Variants in MAGI3 observed in about 807,000 individuals in gnomAD.
MAGI3 encodes membrane-associated guanylate kinase, WW and PDZ domain-containing protein 3.
Under a neutral mutation model 121.8 loss-of-function variants are expected in MAGI3, and 43 were observed. The observed-to-expected ratio is 0.35, with a 90% CI of 0.28 to 0.46. The LOEUF (loss-of-function observed/expected upper bound fraction) is 0.46. Among genes scored for constraint, MAGI3 ranks in the 20% least tolerant of loss-of-function variants. MAGI3 has a pLI of 1.00. For missense variants in MAGI3, 1,547 were observed against 1,797.3 expected (o/e 0.86, Z 2.52); for synonymous variants, 553 against 639.3 (o/e 0.86, Z 2.04).
At chr1:113,541,326 T>G (rs546645106) in intron 1 of MAGI3, among the ~76,000 whole-genome samples, 1 of 152,232 alleles carries the variant, frequency 6.6e-6, no homozygotes, top group African/African-American at 2.4e-5. Flanking sequence ...GAATGTGACC[T>G]TTGTTAGCAG....
chr1:113,566,387 T>C (rs1660434082), intron 2 of MAGI3, among the ~76,000 whole-genome samples: 1 of 152,104 alleles, frequency 6.6e-6, no homozygotes, highest in Admixed American at 6.6e-5. Flanking sequence ...TACAGTAGAA[T>C]ACCAACTGAA....
At chr1:113,415,965 G>T (rs1294820900) in intron 1 of MAGI3, among the ~76,000 whole-genome samples, 1 of 118,804 alleles carries the variant, frequency 8.4e-6, no homozygotes, top group Non-Finnish European at 1.7e-5. Context: ...TTGAGCAGGG[G>T]GTCAAAAACA....
chr1:113,671,355 T>C (rs965638763), intron 16 of MAGI3, among the ~76,000 whole-genome samples: 3 of 152,174 alleles, frequency 2.0e-5, no homozygotes, highest in Non-Finnish European at 4.4e-5. Context: ...CTTTGTTATC[T>C]AGAATGGGTT....
At chr1:113,643,685 A>G (rs917873427) in intron 10 of MAGI3, 58 bp from the exon 11 acceptor site, 1 of 1,519,228 alleles carries the variant, frequency 6.6e-7, no homozygotes, top group Non-Finnish European at 9.1e-7. Context: ...CATTAGCAGT[A>G]TTTGTGATCT....
chr1:113,526,466 T>TGA (rs142523782), intron 1 of MAGI3, among the ~76,000 whole-genome samples: 1 of 151,772 alleles, frequency 6.6e-6, no homozygotes, highest in Non-Finnish European at 1.5e-5. Flanking sequence ...GCTCTACGTA[T>TGA]GAGAGAGAGA....
intron 6 of MAGI3, among the ~76,000 whole-genome samples, chr1:113,603,909 C>G (rs754856039): frequency 6.6e-6 from 1 of 152,126 alleles, no homozygotes; most frequent in African/African-American, 2.4e-5. Context: ...AAATGCTCAT[C>G]ATCAGGGATG....
At chr1:113,534,203 C>T (rs557454074) in intron 1 of MAGI3, among the ~76,000 whole-genome samples, 8 of 152,204 alleles carry the variant, frequency 5.3e-5, no homozygotes, top group African/African-American at 9.7e-5. Context: ...TTATCCTGTG[C>T]TGCTGTTAGT....
At chr1:113,475,001 A>G (rs1038603320) in intron 1 of MAGI3, among the ~76,000 whole-genome samples, 20 of 152,130 alleles carry the variant, frequency 1.3e-4, no homozygotes, top group African/African-American at 4.6e-4. Flanking sequence ...CTTTGTAGCA[A>G]TTGTGAATGG....
intron 1 of MAGI3, among the ~76,000 whole-genome samples, chr1:113,514,589 C>G: frequency 6.7e-6 from 1 of 149,934 alleles, no homozygotes; most frequent in Non-Finnish European, 1.5e-5. Context: ...ATCACATGGA[C>G]ACAGGAAGGG....
At position 113,391,495 on chromosome 1, in the gene MAGI3, A is replaced by G. The variant is rs1248131362; in HGVS notation, c.316+146A>G. ...TGTGCCAGACTCCTTGACGAGGGGGAGGGGTGGCGTTGGTGAGTCCCATTT... is the reference window on the plus strand; with the variant it reads ...TGTGCCAGACTCCTTGACGAGGGGGGGGGGTGGCGTTGGTGAGTCCCATTT... On this transcript the variant is annotated intron_variant, in intron 1 of 20. Transcript: ENST00000307546. This position sits in a 1 kb window ranked among gnomAD's most constrained non-coding sequence, Gnocchi z 4.4. 1.4e-5 allele frequency: 13 copies of G among 942,660 alleles called. No homozygotes were observed. Among genetic ancestry groups the G allele is most frequent in the Non-Finnish European group, 1.9e-5 (12 of 648,106 alleles). The allele number at this position is 942,660 out of a possible 1,614,324, so 58.4% of individuals were successfully genotyped here. A position where few individuals can be genotyped will look rare whatever the true frequency, so the allele number is the denominator to read the frequency against.
chr1:113,417,361 T>C (rs1652509435), intron 1 of MAGI3, among the ~76,000 whole-genome samples: 2 of 152,092 alleles, frequency 1.3e-5, no homozygotes, highest in African/African-American at 4.8e-5. Context: ...AGAAGTGGAT[T>C]TTGGAGTATA....
At position 113,668,612 on chromosome 1, in the gene MAGI3, G is replaced by A. The variant is rs1055641537; in HGVS notation, c.2816-3122G>A. ...TTTTTTTGAGACGGAGTCTCGCTCT[G>A]TCGCCCAGGCCGGACTGCGGACTGC... is the stretch of plus-strand genomic sequence containing the variant. On this transcript the variant is annotated intron_variant, in intron 16 of 20. Coordinates refer to ENST00000307546, the MANE Select transcript of MAGI3 (RefSeq NM_001142782.2). Among the ~76,000 whole-genome samples, 3 of 112,306 alleles carry A rather than the reference G, an allele frequency of 2.7e-5. No individual in the cohort carries two copies. The East Asian group carries it at 7.4e-4, about 28-fold the overall frequency. The allele number at this position is 112,306 out of a possible 152,430, so 73.7% of individuals were successfully genotyped here. A position where few individuals can be genotyped will look rare whatever the true frequency, so the allele number is the denominator to read the frequency against.
chr1:113,416,569 A>G (rs541616768), intron 1 of MAGI3, among the ~76,000 whole-genome samples: 30 of 118,318 alleles, frequency 2.5e-4, no homozygotes, highest in African/African-American at 8.8e-4. Flanking sequence ...TAGCGTGGAA[A>G]CCATTAAAGG....
At chr1:113,660,866 A>G (rs1405687749) in intron 16 of MAGI3, among the ~76,000 whole-genome samples, 1 of 149,344 alleles carries the variant, frequency 6.7e-6, no homozygotes, top group Non-Finnish European at 1.5e-5. Context: ...AGCCTCCCAC[A>G]GTGCTAGTAT....
chr1:113,619,750 A>G lies in MAGI3; in HGVS notation c.1091A>G (p.Lys364Arg). ...GTYYVDHLNQKTQFENPVEEA... is the reference protein window; with the variant it reads ...GTYYVDHLNQRTQFENPVEEA... ...GCATTCTACAGTCACCTTAACCAGAAAACCCAGTTTGAAAATCCAGTGGAG... is the reference window on the plus strand; with the variant it reads ...GCATTCTACAGTCACCTTAACCAGAGAACCCAGTTTGAAAATCCAGTGGAG... Residue 364 changes from lysine to arginine, a missense_variant, in exon 8 of 21, where the codon AAA (lysine) becomes AGA (arginine). Transcript: ENST00000307546. 3 of 1,613,064 alleles carry G rather than the reference A, an allele frequency of 1.9e-6. No individual in the cohort carries two copies. Among genetic ancestry groups the G allele is most frequent in the Non-Finnish European group, 2.5e-6 (3 of 1,179,248 alleles).
intron 19 of MAGI3, among the ~76,000 whole-genome samples, chr1:113,675,211 T>G (rs183549303): frequency 1.8e-4 from 28 of 152,336 alleles, no homozygotes; most frequent in African/African-American, 6.7e-4. Flanking sequence ...TCCAGGTAGC[T>G]GTAATTTATG....
chr1:113,671,424 G>A (rs984305554), intron 16 of MAGI3, among the ~76,000 whole-genome samples: 3 of 152,062 alleles, frequency 2.0e-5, no homozygotes, highest in African/African-American at 4.8e-5. Context: ...ATAGTTCCTG[G>A]AGCTCTGTCT....
chr1:113,627,350 A>T (rs185357863), intron 9 of MAGI3, among the ~76,000 whole-genome samples: 28 of 151,992 alleles, frequency 1.8e-4, no homozygotes, highest in African/African-American at 6.7e-4. Flanking sequence ...GTAACCTAAC[A>T]TATGGTCTAT....
intron 1 of MAGI3, among the ~76,000 whole-genome samples, chr1:113,401,624 T>C (rs1282669942): frequency 6.6e-6 from 1 of 152,230 alleles, no homozygotes; most frequent in Admixed American, 6.5e-5. Flanking sequence ...ATTTTGTTCT[T>C]GTGTTTCCTT....
Sources: gnomAD v4.1 joint callset for allele counts (sites outside exome capture counted in the v4.1 genomes callset) on GRCh38, gnomAD v4.1.1 for gene constraint, Gnocchi (gnomAD v3.1) non-coding constraint, MANE v1.5 for transcripts, NCBI Gene and HGNC (gene_info 2026-07-23, HGNC 2026-07-21) for gene names.